Variants in FAM167A observed in about 807,000 individuals in gnomAD.
The protein encoded by FAM167A is protein FAM167A.
FAM167A carries 23 observed loss-of-function variants against 14.9 expected under a neutral mutation model. That is an observed-to-expected ratio of 1.55 (90% confidence interval 1.11 to 2.19). The LOEUF is 2.19. Among genes scored for constraint, FAM167A ranks in the 30% most tolerant of loss-of-function variants. FAM167A has a pLI of 0.00. For missense variants in FAM167A, 401 were observed against 281.5 expected, an observed-to-expected ratio of 1.42 and a Z score of -3.04; for synonymous variants, 174 against 117.7, an observed-to-expected ratio of 1.48 and a Z score of -3.10.
Position 11,455,896 on chromosome 8 carries a change from TGTGA to T in FAM167A, c.-398+10726_-398+10729del, listed in dbSNP as rs751792042. ...AGTGTGGGGTGGTTGCCTTGCAGAGTGTGAGTGTGAGTGTGAGGGGTGGTTGCCC... is the reference window on the plus strand; with the variant it reads ...AGTGTGGGGTGGTTGCCTTGCAGAGTGTGTGAGTGTGAGGGGTGGTTGCCC... On this transcript the variant is annotated intron_variant, in intron 1 of 2. Transcript: ENST00000284486. 8.3e-4 allele frequency among the ~76,000 whole-genome samples: 110 copies of T among 133,014 alleles called. 1 individual carries two copies. Among genetic ancestry groups the T allele is most frequent in the Non-Finnish European group, 1.4e-3 (90 of 62,838 alleles). The allele number at this position is 133,014 out of a possible 152,430, so 87.3% of individuals were successfully genotyped here.
chr8:11,442,395 A>G (rs567813037), intron 2 of FAM167A, among the ~76,000 whole-genome samples: 53 of 152,276 alleles, frequency 3.5e-4, no homozygotes, highest in African/African-American at 1.3e-3. Context: ...CCAGGTGGTT[A>G]CGGTACACGC....
upstream of FAM167A, among the ~76,000 whole-genome samples, chr8:11,470,663 G>C (rs1173835965): frequency 1.3e-5 from 2 of 152,110 alleles, no homozygotes; most frequent in Non-Finnish European, 2.9e-5. Flanking sequence ...TGGATTCTAG[G>C]GATACAAGAG....
At chr8:11,425,102 G>C (rs1351785078) in intron 2 of FAM167A, among the ~76,000 whole-genome samples, 2 of 152,166 alleles carry the variant, frequency 1.3e-5, no homozygotes, top group East Asian at 3.8e-4. Flanking sequence ...GTGTCATGTT[G>C]TTACATTACT....
intron 2 of FAM167A, among the ~76,000 whole-genome samples, chr8:11,439,142 C>A (rs1337144047): frequency 6.6e-6 from 1 of 152,234 alleles, no homozygotes; most frequent in African/African-American, 2.4e-5. Context: ...TGACCTTGGC[C>A]AAGTCGCTTT....
intron 1 of FAM167A, chr8:11,474,569 G>A (rs972235326): frequency 6.6e-6 from 1 of 152,254 alleles, no homozygotes; most frequent in Admixed American, 6.5e-5. Flanking sequence ...AGGCAGAAAA[G>A]AAGAGAAAAA....
chr8:11,437,330 G>A (rs1261642550), intron 2 of FAM167A, among the ~76,000 whole-genome samples: 4 of 152,180 alleles, frequency 2.6e-5, no homozygotes, highest in Admixed American at 2.6e-4. Context: ...TGAGGCGTGT[G>A]TATAAACATG....
At chr8:11,468,325 G>C (rs1807851913), upstream of FAM167A, among the ~76,000 whole-genome samples, 1 of 152,208 alleles carries the variant, frequency 6.6e-6, no homozygotes, top group Admixed American at 6.5e-5. Context: ...CCAGACAACA[G>C]ACCCTCTTCC....
intron 1 of FAM167A, among the ~76,000 whole-genome samples, chr8:11,454,399 T>A (rs1807148428): frequency 6.6e-6 from 1 of 152,160 alleles, no homozygotes; most frequent in South Asian, 2.1e-4. Context: ...GGAAGAGGCA[T>A]CTCCACTCTA....
Position 11,455,637 on chromosome 8 carries a change from G to T in FAM167A, c.-397-10829C>A, listed in dbSNP as rs550142679. Among the ~76,000 whole-genome samples, 317 of 51,966 alleles carry T rather than the reference G, an allele frequency of 6.1e-3. 1 individual carries two copies. The highest frequency in any genetic ancestry group is 0.027 in the African/African-American group (290 of 10,728). The allele number at this position is 51,966 out of a possible 152,430, so 34.1% of individuals were successfully genotyped here. On this transcript the variant is annotated intron_variant, in intron 1 of 2. Transcript: ENST00000284486. Reference sequence around the variant, plus strand: ...GTGTGCAGGGTGGTTGCTCTGCTGGGTGTGAGTGTTGGGGGTGGTTGCCTT... The same window carrying T: ...GTGTGCAGGGTGGTTGCTCTGCTGGTTGTGAGTGTTGGGGGTGGTTGCCTT...
chr8:11,448,559 C>T (rs1040595227), intron 1 of FAM167A, among the ~76,000 whole-genome samples: 1 of 152,242 alleles, frequency 6.6e-6, no homozygotes, highest in Non-Finnish European at 1.5e-5. Flanking sequence ...AAGACAATCC[C>T]TGCCCCCTCA....
chr8:11,428,804 G>C (rs1805363217), intron 2 of FAM167A, among the ~76,000 whole-genome samples: 1 of 152,178 alleles, frequency 6.6e-6, no homozygotes, highest in Non-Finnish European at 1.5e-5. Flanking sequence ...TTGCAAAGGT[G>C]ACTTTGCACC....
rs548205876 is a variant in FAM167A at position 11,422,023 on chromosome 8, C to T, written c.*2350G>A. The stretch of plus-strand genomic sequence containing the variant: ...TTCTCATCTTGGGTCACCTCCTCAT[C>T]CCATAATAAAGTTCTCTTAGGATAA... On this transcript the variant is annotated 3_prime_UTR_variant, in exon 3 of 3. Transcript: ENST00000284486. 5.1e-6 allele frequency: 2 copies of T among 393,476 alleles called. No individual in the cohort carries two copies. Among genetic ancestry groups the T allele is most frequent in the South Asian group, 1.4e-4 (1 of 6,970 alleles). 24.4% of individuals were successfully genotyped at this position (393,476 alleles called of 1,614,324 possible).
intron 2 of FAM167A, chr8:11,437,963 C>G: frequency 3.2e-6 from 1 of 311,678 alleles, no homozygotes; most frequent in East Asian, 9.3e-5. Flanking sequence ...CATCTCAGAA[C>G]TCAACTTACT....
At chr8:11,451,191 C>A (rs1050020768) in intron 1 of FAM167A, among the ~76,000 whole-genome samples, 1 of 152,218 alleles carries the variant, frequency 6.6e-6, no homozygotes, top group Non-Finnish European at 1.5e-5. Flanking sequence ...CTGAGCTGGC[C>A]GGGGCCGCTG....
intron 2 of FAM167A, among the ~76,000 whole-genome samples, chr8:11,440,513 G>C (rs1806373544): frequency 6.6e-6 from 1 of 152,232 alleles, no homozygotes. Context: ...TCTTGCAGGA[G>C]GCGGGAGCAG....
chr8:11,444,971 T>C (rs1585260087), intron 1 of FAM167A, 163 bp from the exon 2 acceptor site: 1 of 692,536 alleles, frequency 1.4e-6, no homozygotes, highest in East Asian at 1.3e-4. Context: ...AATGCCTTAA[T>C]TCAATGCAGA....
At chr8:11,430,614 AAG>A (rs1020179782) in intron 2 of FAM167A, among the ~76,000 whole-genome samples, 2 of 152,204 alleles carry the variant, frequency 1.3e-5, no homozygotes, top group African/African-American at 2.4e-5. Context: ...GAAAGAGAGC[AAG>A]AGAGAGAGCC....
upstream of FAM167A, among the ~76,000 whole-genome samples, chr8:11,468,127 C>T (rs527836308): frequency 2.4e-4 from 37 of 152,328 alleles, no homozygotes; most frequent in East Asian, 9.6e-4. Context: ...CCTCTCTCAG[C>T]GCCTCCCAAG....
chr8:11,468,015 C>T (rs1168798401), upstream of FAM167A, among the ~76,000 whole-genome samples: 2 of 152,198 alleles, frequency 1.3e-5, no homozygotes. Flanking sequence ...TGCCCGCTGC[C>T]ACTGTCCCTA....
Sources: gnomAD v4.1 joint callset for allele counts (sites outside exome capture counted in the v4.1 genomes callset) on GRCh38, gnomAD v4.1.1 for gene constraint, MANE v1.5 for transcripts, NCBI Gene and HGNC (gene_info 2026-07-23, HGNC 2026-07-21) for gene names.